HPSE2: variants seen among roughly 807,000 people sequenced by gnomAD.
The protein encoded by HPSE2 is inactive heparanase-2.
HPSE2 carries 38 observed loss-of-function variants against 60.5 expected under a neutral mutation model. That is an observed-to-expected ratio of 0.63 (90% CI 0.48 to 0.82). The LOEUF (loss-of-function observed/expected upper bound fraction) is 0.82. HPSE2 is among the 40% of genes least tolerant of loss of function. The pLI is 0.00. For missense variants in HPSE2, 713 were observed against 740.4 expected (o/e 0.96, Z 0.43); for synonymous variants, 295 against 293.2 (o/e 1.01, Z -0.06).
chr10:98,459,480 G>C lies in HPSE2; in HGVS notation c.*94C>G. On this transcript the variant is annotated 3_prime_UTR_variant, in exon 12 of 12. Coordinates refer to ENST00000370552, the MANE Select transcript of HPSE2 (RefSeq NM_021828.5). ...CAGCAGGATGGGGCAGCAGGGGCTG[G>C]TTGCTAGGATGTCTGAAAACAGAGG... The C allele has an allele frequency of 7.4e-7, 1 of 1,343,140 alleles. No individual in the cohort carries two copies. Among genetic ancestry groups the C allele is most frequent in the Non-Finnish European group, 1.1e-6 (1 of 934,562 alleles). 83.2% of individuals were successfully genotyped at this position (1,343,140 alleles called of 1,614,324 possible).
intron 6 of HPSE2, among the ~76,000 whole-genome samples, chr10:98,655,716 T>C (rs1280505795): frequency 1.3e-5 from 2 of 152,218 alleles, no homozygotes; most frequent in Non-Finnish European, 2.9e-5. Flanking sequence ...CCTTTTGCAG[T>C]TGTGCTGGGA....
chr10:99,090,229 C>A (rs1467157657), intron 3 of HPSE2, among the ~76,000 whole-genome samples: 1 of 151,942 alleles, frequency 6.6e-6, no homozygotes, highest in Non-Finnish European at 1.5e-5. Context: ...ACTCCCTAGC[C>A]CCCCTTTCCT....
the HPSE2 span, among the ~76,000 whole-genome samples, chr10:99,281,795 T>C: frequency 1.3e-5 from 2 of 152,068 alleles, no homozygotes; most frequent in South Asian, 4.1e-4. Flanking sequence ...CAGTTTAGAT[T>C]TAATTCTAAA....
intron 2 of HPSE2, among the ~76,000 whole-genome samples, chr10:99,221,068 C>T (rs967292841): frequency 6.6e-5 from 10 of 151,998 alleles, no homozygotes; most frequent in African/African-American, 2.4e-4. Context: ...TGGTCTCAAA[C>T]TCCTGACCTC....
chr10:99,180,134 G>A (rs1311965966), intron 2 of HPSE2, among the ~76,000 whole-genome samples: 21 of 152,138 alleles, frequency 1.4e-4, no homozygotes, highest in Admixed American at 1.4e-3. Context: ...AGACTCAAAT[G>A]TAAGACCTAA....
chr10:98,602,360 C>T (rs1303539499), intron 9 of HPSE2, among the ~76,000 whole-genome samples: 1 of 152,098 alleles, frequency 6.6e-6, no homozygotes, highest in East Asian at 1.9e-4. Flanking sequence ...ATGAACTTAC[C>T]ACCTGACATG....
At chr10:98,926,142 C>T (rs893237311) in intron 3 of HPSE2, among the ~76,000 whole-genome samples, 4 of 151,984 alleles carry the variant, frequency 2.6e-5, no homozygotes, top group Non-Finnish European at 5.9e-5. Context: ...GAAAGTGAAC[C>T]TCAAAAGGGC....
intron 3 of HPSE2, among the ~76,000 whole-genome samples, chr10:98,818,540 C>A (rs1343989618): frequency 6.6e-6 from 1 of 152,136 alleles, no homozygotes; most frequent in East Asian, 1.9e-4. Context: ...TGGACCAGTA[C>A]CCCTCTGTGG....
At chr10:98,757,451 G>T (rs1235215237) in intron 3 of HPSE2, among the ~76,000 whole-genome samples, 1 of 151,918 alleles carries the variant, frequency 6.6e-6, no homozygotes, top group Non-Finnish European at 1.5e-5. Context: ...TCCACCAAAA[G>T]GCTCCTGGAA....
intron 3 of HPSE2, among the ~76,000 whole-genome samples, chr10:98,794,574 G>A (rs1950731900): frequency 6.6e-6 from 1 of 152,006 alleles, no homozygotes; most frequent in South Asian, 2.1e-4. Context: ...TGCCTCTTTA[G>A]TTCCTAATAT....
At chr10:98,475,236 T>C (rs932205108) in intron 11 of HPSE2, among the ~76,000 whole-genome samples, 1 of 151,578 alleles carries the variant, frequency 6.6e-6, no homozygotes, top group African/African-American at 2.4e-5. Flanking sequence ...TCCTGCCTCA[T>C]CCTCCCGAGT....
At chr10:98,573,692 C>G (rs560890686) in intron 9 of HPSE2, among the ~76,000 whole-genome samples, 3 of 152,246 alleles carry the variant, frequency 2.0e-5, no homozygotes, top group South Asian at 4.2e-4. Context: ...GGTCATGGCT[C>G]AAACCTAAAA....
chr10:99,095,156 AG>A (rs1282970049), intron 3 of HPSE2, among the ~76,000 whole-genome samples: 1 of 152,112 alleles, frequency 6.6e-6, no homozygotes, highest in African/African-American at 2.4e-5. Context: ...ACTGCACTTT[AG>A]GTGGATAACA....
chr10:99,112,902 C>T (rs1564817015), intron 3 of HPSE2, among the ~76,000 whole-genome samples: 1 of 151,962 alleles, frequency 6.6e-6, no homozygotes, highest in Non-Finnish European at 1.5e-5. Flanking sequence ...TTGCCCACAC[C>T]CACGCAATCT....
At chr10:99,059,603 A>G (rs1425930644) in intron 3 of HPSE2, among the ~76,000 whole-genome samples, 1 of 152,160 alleles carries the variant, frequency 6.6e-6, no homozygotes, top group African/African-American at 2.4e-5. Context: ...AAAAATATTA[A>G]CATGTCCCCC....
chr10:98,983,851 C>T (rs1032900903), intron 3 of HPSE2, among the ~76,000 whole-genome samples: 13 of 152,330 alleles, frequency 8.5e-5, no homozygotes, highest in South Asian at 6.2e-4. Context: ...TTATATCCTG[C>T]GCCTGGCTCG....
At chr10:98,589,085 G>A (rs1409678219) in intron 9 of HPSE2, among the ~76,000 whole-genome samples, 2 of 152,144 alleles carry the variant, frequency 1.3e-5, no homozygotes, top group Non-Finnish European at 2.9e-5. Flanking sequence ...ATGAATTCAA[G>A]GCTTCCTGTT....
chr10:98,718,975 A>G (rs566971839), intron 5 of HPSE2, among the ~76,000 whole-genome samples: 2 of 152,210 alleles, frequency 1.3e-5, no homozygotes, highest in Non-Finnish European at 2.9e-5. Context: ...AAAAATTGTC[A>G]TAAATATGTA....
chr10:99,278,424 C>T, the HPSE2 span, among the ~76,000 whole-genome samples: 2 of 152,256 alleles, frequency 1.3e-5, no homozygotes, highest in Middle Eastern at 6.8e-3. Flanking sequence ...AGCTTCCATT[C>T]TCAGGGTTCT....
Sources: gnomAD v4.1 joint callset for allele counts (sites outside exome capture counted in the v4.1 genomes callset) on GRCh38, gnomAD v4.1.1 for gene constraint, MANE v1.5 for transcripts, NCBI Gene and HGNC (gene_info 2026-07-23, HGNC 2026-07-21) for gene names.